The following SCLT1 variants were observed in gnomAD, a reference collection of about 807,000 sequenced individuals.
The protein encoded by SCLT1 is sodium channel-associated protein 1.
In SCLT1, 78 loss-of-function variants were observed where a neutral mutation model predicts 112.8. The observed-to-expected ratio is 0.69, with a 90% CI of 0.58 to 0.83. The LOEUF is 0.83. SCLT1 is among the 40% of genes least tolerant of loss of function. The pLI, the probability that SCLT1 is intolerant of heterozygous loss-of-function variation, is 0.00. For missense variants in SCLT1, 747 were observed against 770.4 expected (o/e 0.97, Z 0.36); for synonymous variants, 257 against 254.7 (o/e 1.01, Z -0.09).
At chr4:129,008,214 T>C (rs1560957539) in intron 5 of SCLT1, among the ~76,000 whole-genome samples, 1 of 152,212 alleles carries the variant, frequency 6.6e-6, no homozygotes, top group Non-Finnish European at 1.5e-5. Flanking sequence ...TTGGATTAAT[T>C]CTGTCAACGG....
In SCLT1 at chr4:128,936,662, T is replaced by A. The variant is rs1737208790; in HGVS notation, c.1822A>T (p.Asn608Tyr). 1 of 1,587,080 alleles carries A rather than the reference T, an allele frequency of 6.3e-7. No homozygotes were observed. Among genetic ancestry groups the A allele is most frequent in the Non-Finnish European group, 8.6e-7 (1 of 1,166,718 alleles). ...AACTAACAGTAGACTTACTTTAGATTATTGATTCTAATTTCTGCACTTTCA... is the reference window on the plus strand; with the variant it reads ...AACTAACAGTAGACTTACTTTAGATAATTGATTCTAATTTCTGCACTTTCA... ...LTESAEIRIN[N>Y]LKSELSRQKL... is the part of the protein sequence containing the mutation. The change falls in exon 18 of 21, where the codon AAT becomes TAT. Residue 608 changes from asparagine to tyrosine, a missense_variant. Asn to Tyr is a moderately radical substitution (Grantham distance 143). This residue lies in a region of SCLT1 where 723 missense variants were observed against 721.3 expected (regional missense o/e 1.00). Transcript: ENST00000281142.
chr4:128,964,874 G>C (rs1239825898), intron 11 of SCLT1, among the ~76,000 whole-genome samples: 1 of 152,134 alleles, frequency 6.6e-6, no homozygotes, highest in Non-Finnish European at 1.5e-5. Context: ...GGTGTGCTTT[G>C]TGCTCTGCAG....
intron 1 of SCLT1, among the ~76,000 whole-genome samples, chr4:129,086,308 T>A (rs546612408): frequency 9.6e-3 from 231 of 24,012 alleles, no homozygotes; most frequent in Non-Finnish European, 0.019. Flanking sequence ...TGCTGGTGTA[T>A]GTATGTATAT....
In SCLT1 at chr4:128,959,638, T is replaced by C; in HGVS notation, c.1009A>G (p.Met337Val). The change falls in exon 12 of 21, where the codon ATG becomes GTG. Residue 337 changes from methionine to valine, a missense_variant. Transcript: ENST00000281142. ...AGGTTAGCTTCTTCTAAGAGTTGCA[T>C]GCTATTTCTGGCTCTTACAATAGCC... ...YEAIVRARNSMQLLEEANLQK... is the reference protein window; with the variant it reads ...YEAIVRARNSVQLLEEANLQK... 1.2e-5 allele frequency: 20 copies of C among 1,613,518 alleles called. No homozygotes were observed. Among genetic ancestry groups the C allele is most frequent in the Non-Finnish European group, 1.7e-5 (20 of 1,179,686 alleles).
At position 129,082,351 on chromosome 4, in the gene SCLT1, A is replaced by G. The variant is rs1263046650; in HGVS notation, c.57T>C (p.Phe19=). The change falls in exon 2 of 21, where the codon TTT becomes TTC. Residue 19 remains phenylalanine, a synonymous_variant. Coordinates refer to ENST00000281142, the MANE Select transcript of SCLT1 (RefSeq NM_144643.4). ...AAAAACTTTCCATTTGATACCGCCT[A>G]AAATCTTCATTTAGTCTTCGATCTG... is the stretch of plus-strand genomic sequence containing the variant. ...REQNRRLNED[F]RRYQMESFSK... 1 of 1,594,038 alleles carries G rather than the reference A, an allele frequency of 6.3e-7. No individual in the cohort carries two copies. The highest frequency in any genetic ancestry group is 1.1e-5 in the South Asian group (1 of 88,544).
intron 2 of SCLT1, among the ~76,000 whole-genome samples, chr4:129,077,673 C>T (rs371461037): frequency 5.9e-5 from 9 of 152,282 alleles, no homozygotes; most frequent in Middle Eastern, 3.4e-3. Context: ...ATTTCTGTTG[C>T]TAGTAGCAAC....
chr4:129,076,364 T>C (rs1388566232), intron 2 of SCLT1, among the ~76,000 whole-genome samples: 1 of 152,176 alleles, frequency 6.6e-6, no homozygotes, highest in Non-Finnish European at 1.5e-5. Context: ...TATGCTTTTA[T>C]ATGTATTCCT....
chr4:128,890,492 C>G (rs1463337767), intron 19 of SCLT1, among the ~76,000 whole-genome samples: 1 of 152,044 alleles, frequency 6.6e-6, no homozygotes, highest in Non-Finnish European at 1.5e-5. Flanking sequence ...CAGTAGACCA[C>G]AAAGATGGAG....
chr4:129,022,664 G>A (rs1214952574), intron 5 of SCLT1, among the ~76,000 whole-genome samples: 2 of 152,112 alleles, frequency 1.3e-5, no homozygotes, highest in South Asian at 2.1e-4. Flanking sequence ...CCAAACCTAC[G>A]ACTGACTGGG....
At position 128,921,106 on chromosome 4, in the gene SCLT1, G is replaced by T. The variant is rs1735846895; in HGVS notation, c.1829+15549C>A. Among the ~76,000 whole-genome samples, 4 of 152,256 alleles carry T rather than the reference G, an allele frequency of 2.6e-5. No homozygotes were observed. In the South Asian group the frequency reaches 6.2e-4, roughly 24 times the overall value. On this transcript the variant is annotated intron_variant, in intron 18 of 20. Transcript: ENST00000281142. ...AATATAGCTAACCAGGGAGGGGAAA[G>T]ATCTCTACAATGAGAGTAACAGAAC...
chr4:129,052,615 C>T (rs1748914563), intron 2 of SCLT1, among the ~76,000 whole-genome samples: 3 of 151,378 alleles, frequency 2.0e-5, no homozygotes, highest in South Asian at 4.2e-4. Flanking sequence ...TGATTCTTCT[C>T]TCTTTTCTTC....
chr4:128,912,407 A>C (rs994664918), intron 18 of SCLT1, among the ~76,000 whole-genome samples: 1 of 152,162 alleles, frequency 6.6e-6, no homozygotes, highest in African/African-American at 2.4e-5. Context: ...TTTTTCATTA[A>C]AATTAAAAAT....
chr4:128,895,353 G>T (rs1278759994), intron 18 of SCLT1, among the ~76,000 whole-genome samples: 1 of 152,154 alleles, frequency 6.6e-6, no homozygotes, highest in Non-Finnish European at 1.5e-5. Context: ...AATGTCATAA[G>T]ATCCTCCAAA....
chr4:128,927,901 T>C (rs1736426895), intron 18 of SCLT1, among the ~76,000 whole-genome samples: 1 of 151,762 alleles, frequency 6.6e-6, no homozygotes, highest in African/African-American at 2.4e-5. Context: ...CAAGGTACAA[T>C]AATATCAGGA....
chr4:129,016,516 A>C (rs1466062284), intron 5 of SCLT1, among the ~76,000 whole-genome samples: 1 of 152,174 alleles, frequency 6.6e-6, no homozygotes, highest in Non-Finnish European at 1.5e-5. Flanking sequence ...AAATGTTACC[A>C]TGTTAGCGTC....
intron 2 of SCLT1, among the ~76,000 whole-genome samples, chr4:129,069,207 T>C (rs1010552111): frequency 6.6e-6 from 1 of 152,342 alleles, no homozygotes; most frequent in South Asian, 2.1e-4. Context: ...TCAGGTAGTA[T>C]GATGCCTCCA....
At position 129,039,900 on chromosome 4, in the gene SCLT1, G is replaced by GCACACACACA. The variant is rs36041794; in HGVS notation, c.235-814_235-805dup. 1.7e-3 allele frequency: 374 copies of GCACACACACA among 219,016 alleles called. 1 individual carries two copies. The highest frequency in any genetic ancestry group is 0.012 in the East Asian group (150 of 12,560). 13.6% of individuals were successfully genotyped at this position (219,016 alleles called of 1,614,324 possible). A position where few individuals can be genotyped will look rare whatever the true frequency, so the allele number is the denominator to read the frequency against. On this transcript the variant is annotated intron_variant, in intron 4 of 20. Transcript: ENST00000281142. ...GAGCAAATGGAGAGTGTGCGCGCGC[G>GCACACACACA]CACACACACACACACACACACACAC...
At chr4:129,092,417 C>T (rs72927920) in intron 1 of SCLT1, among the ~76,000 whole-genome samples, 2,196 of 152,246 alleles carry the variant, frequency 0.014, 48 homozygotes, top group African/African-American at 0.044. Flanking sequence ...TTGTACTGCA[C>T]GTTTCAGCCC....
At chr4:128,945,577 G>A (rs1026319693) in intron 16 of SCLT1, among the ~76,000 whole-genome samples, 5 of 151,876 alleles carry the variant, frequency 3.3e-5, no homozygotes, top group Non-Finnish European at 7.4e-5. Flanking sequence ...GGGTGGGGAG[G>A]TAGAAAAATA....
Sources: allele counts gnomAD v4.1 joint callset (sites outside exome capture counted in the v4.1 genomes callset), GRCh38; gene constraint gnomAD v4.1.1; regional missense constraint gnomAD v4.1.1; transcripts MANE v1.5; gene names NCBI Gene and HGNC (gene_info 2026-07-23, HGNC 2026-07-21).